NUCB2: variants seen among roughly 807,000 people sequenced by gnomAD.
NUCB2 encodes nucleobindin 2.
In NUCB2, 48 loss-of-function variants were observed where a neutral mutation model predicts 57.9. The observed-to-expected ratio is 0.83, with a 90% CI of 0.66 to 1.05. The LOEUF is 1.05. NUCB2 is among the 50% of genes least tolerant of loss of function. NUCB2 has a pLI of 0.00. For missense variants in NUCB2, 442 were observed against 476.2 expected, an observed-to-expected ratio of 0.93 and a Z score of 0.67; for synonymous variants, 139 against 152.1, an observed-to-expected ratio of 0.91 and a Z score of 0.64.
chr11:17,276,871 G>A lies in NUCB2; in HGVS notation c.-156+43G>A, dbSNP rs888079418. 7 of 152,486 alleles carry A rather than the reference G, an allele frequency of 4.6e-5. No homozygotes were observed. The East Asian group carries it at 1.4e-3, about 29-fold the overall frequency. The allele number at this position is 152,486 out of a possible 1,614,324, so 9.4% of individuals were successfully genotyped here. ...GCGGTAGGTGCGGAGCAGCGCGGCG[G>A]GAGATTAGGGGTGGGGGAGTCCGGA... On this transcript the variant is annotated intron_variant, in intron 1 of 13. Transcript: ENST00000529010.
rs182809164 is a variant in NUCB2, at chr11:17,331,795, G to A, written c.*376G>A. On this transcript the variant is annotated 3_prime_UTR_variant, in exon 14 of 14. Coordinates refer to ENST00000529010, the MANE Select transcript of NUCB2 (RefSeq NM_005013.4). Reference sequence around the variant, plus strand: ...TAAATTAGATTGCTCTCACTTACTCGTAAACATAGGTATTCTTTTATGGGT... The same window carrying A: ...TAAATTAGATTGCTCTCACTTACTCATAAACATAGGTATTCTTTTATGGGT... 34 of 173,960 alleles carry A rather than the reference G, an allele frequency of 2.0e-4. No individual in the cohort carries two copies. Among genetic ancestry groups the A allele is most frequent in the Admixed American group, 1.0e-3 (16 of 15,934 alleles). The allele number at this position is 173,960 out of a possible 1,614,324, so 10.8% of individuals were successfully genotyped here.
intron 2 of NUCB2, among the ~76,000 whole-genome samples, chr11:17,342,037 A>C (rs1421617216): frequency 6.6e-6 from 1 of 152,120 alleles, no homozygotes; most frequent in Non-Finnish European, 1.5e-5. Context: ...TTCTGGGTTT[A>C]GTCTTGGGAG....
chr11:17,304,072 T>C (rs1947227386), intron 5 of NUCB2, among the ~76,000 whole-genome samples: 1 of 152,122 alleles, frequency 6.6e-6, no homozygotes, highest in African/African-American at 2.4e-5. Context: ...GAAGCACAAG[T>C]ATGTATCCTG....
chr11:17,289,819 G>T (rs1168967272), intron 2 of NUCB2, among the ~76,000 whole-genome samples: 2 of 152,092 alleles, frequency 1.3e-5, no homozygotes, highest in Non-Finnish European at 2.9e-5. Flanking sequence ...AAGAACATCA[G>T]GATTTTGTCA....
intron 11 of NUCB2, among the ~76,000 whole-genome samples, chr11:17,326,997 A>T (rs530501312): frequency 6.3e-4 from 96 of 152,012 alleles, no homozygotes; most frequent in Admixed American, 1.0e-3. Context: ...AGGGTAAAAA[A>T]TTTTTTTTCC....
intron 5 of NUCB2, 88 bp downstream of exon 5, chr11:17,301,958 G>A: frequency 9.0e-7 from 1 of 1,116,668 alleles, no homozygotes; most frequent in Non-Finnish European, 1.3e-6. Context: ...GGAGTGCAGT[G>A]GCACAATCAC....
chr11:17,309,595 C>G lies in NUCB2; in HGVS notation c.403C>G (p.Leu135Val). 6.2e-7 allele frequency: 1 copy of G among 1,602,194 alleles called. No individual in the cohort carries two copies. Among genetic ancestry groups the G allele is most frequent in the African/African-American group, 1.3e-5 (1 of 74,210 alleles). Reference protein sequence around the residue: ...LQDIGMDHQALLKQFDHLNHL... With the variant: ...LQDIGMDHQAVLKQFDHLNHL... Reference sequence around the variant, plus strand: ...AGATATAGGCATGGACCACCAAGCTCTTCTAAAACAATTTGATCACCTAAA... The same window carrying G: ...AGATATAGGCATGGACCACCAAGCTGTTCTAAAACAATTTGATCACCTAAA... Residue 135 changes from leucine to valine, a missense_variant, in exon 6 of 14, where the codon CTT becomes GTT. Physicochemically the swap from Leu to Val is conservative, Grantham distance 32 (BLOSUM62 1). Transcript: ENST00000529010.
At chr11:17,282,220 C>CTA (rs1164817923) in intron 1 of NUCB2, among the ~76,000 whole-genome samples, 9 of 62,612 alleles carry the variant, frequency 1.4e-4, no homozygotes, top group Admixed American at 5.2e-4. Flanking sequence ...ATATCTATAT[C>CTA]TATCTATCTA....
In NUCB2 at chr11:17,331,482, G is replaced by T; in HGVS notation, c.*63G>T. On this transcript the variant is annotated 3_prime_UTR_variant, in exon 14 of 14. Transcript: ENST00000529010. ...ACTCAACATCTATTTCATCTTTTTA[G>T]CTCCCTTCCTTTTTCTCTGCTCAAT... is the stretch of plus-strand genomic sequence containing the variant. The T allele has an allele frequency of 1.9e-6, 2 of 1,049,680 alleles. No individual in the cohort carries two copies. Among genetic ancestry groups the T allele is most frequent in the South Asian group, 2.4e-5 (1 of 41,664 alleles). 65.0% of individuals were successfully genotyped at this position (1,049,680 alleles called of 1,614,324 possible).
At chr11:17,338,405 C>A (rs908547110) in intron 2 of NUCB2, among the ~76,000 whole-genome samples, 4 of 152,138 alleles carry the variant, frequency 2.6e-5, no homozygotes, top group African/African-American at 9.7e-5. Context: ...TTTCTCTGCT[C>A]CACCCTCTGG....
At chr11:17,295,984 C>T (rs1945758528) in intron 3 of NUCB2, 120 bp from the exon 4 acceptor site, 1 of 524,076 alleles carries the variant, frequency 1.9e-6, no homozygotes, top group South Asian at 3.0e-5. Flanking sequence ...TTTGTTGAAA[C>T]TATCAAAGTA....
chr11:17,284,085 A>G (rs561752695), intron 2 of NUCB2, among the ~76,000 whole-genome samples: 9 of 152,052 alleles, frequency 5.9e-5, no homozygotes, highest in Non-Finnish European at 8.8e-5. Flanking sequence ...CTGGAGTGCA[A>G]TGGCTTAGTG....
At chr11:17,299,236 TG>T (rs1330309980) in intron 4 of NUCB2, among the ~76,000 whole-genome samples, 1 of 152,212 alleles carries the variant, frequency 6.6e-6, no homozygotes, top group Non-Finnish European at 1.5e-5. Context: ...TTTCAGGGTT[TG>T]TTAAAACATA....
intron 2 of NUCB2, among the ~76,000 whole-genome samples, chr11:17,345,891 CA>C (rs1283736380): frequency 6.6e-6 from 1 of 151,938 alleles, no homozygotes; most frequent in African/African-American, 2.4e-5. Flanking sequence ...ATCAGAAAAA[CA>C]GAGACTTTAT....
At chr11:17,283,187 G>C (rs1360167253) in intron 2 of NUCB2, among the ~76,000 whole-genome samples, 1 of 152,180 alleles carries the variant, frequency 6.6e-6, no homozygotes, top group African/African-American at 2.4e-5. Context: ...CATTCTTGTA[G>C]TACTGGTTCT....
At chr11:17,300,445 C>T (rs1467109903) in intron 4 of NUCB2, among the ~76,000 whole-genome samples, 1 of 152,212 alleles carries the variant, frequency 6.6e-6, no homozygotes. Flanking sequence ...GCGCCCCTTT[C>T]CCCAACCACA....
intron 5 of NUCB2, among the ~76,000 whole-genome samples, chr11:17,306,970 G>A (rs11024246): frequency 0.057 from 8,660 of 151,790 alleles, 883 homozygotes; most frequent in East Asian, 0.44. Flanking sequence ...AAGGAATATT[G>A]TTTTCTCATT....
intron 13 of NUCB2, 155 bp from the exon 14 acceptor site, chr11:17,331,257 A>G: frequency 1.9e-6 from 1 of 527,444 alleles, no homozygotes; most frequent in Non-Finnish European, 3.3e-6. Flanking sequence ...AATTCTTTCT[A>G]ATTATATTAA....
intron 2 of NUCB2, chr11:17,286,856 C>T (rs1334515348): frequency 6.6e-6 from 1 of 152,132 alleles, no homozygotes; most frequent in Non-Finnish European, 1.5e-5. Context: ...ACACATTTGA[C>T]ATCTTGGCAT....
Sources: gnomAD v4.1 joint callset for allele counts (sites outside exome capture counted in the v4.1 genomes callset) on GRCh38, gnomAD v4.1.1 for gene constraint, MANE v1.5 for transcripts, NCBI Gene and HGNC (gene_info 2026-07-23, HGNC 2026-07-21) for gene names.